Variants in ROCK2 observed in about 807,000 individuals in gnomAD.
ROCK2 encodes Rho associated coiled-coil containing protein kinase 2, also known as rho-associated protein kinase 2.
Under a neutral mutation model 195.1 loss-of-function variants are expected in ROCK2, and 61 were observed. That is an observed-to-expected ratio of 0.31 (90% confidence interval 0.25 to 0.39). The LOEUF (loss-of-function observed/expected upper bound fraction) is 0.39. ROCK2 is among the 10% of genes least tolerant of loss of function. The probability of loss-of-function intolerance (pLI) is 1.00; values close to 1 mark genes in which losing one functional copy is unlikely to be tolerated. For synonymous variants in ROCK2, 504 were observed against 545.5 expected (o/e 0.92, Z 1.06); for missense variants, 1,109 against 1,637.4 (o/e 0.68, Z 5.57).
At chr2:11,189,166 G>T (rs574277868) in intron 32 of ROCK2, among the ~76,000 whole-genome samples, 1 of 152,228 alleles carries the variant, frequency 6.6e-6, no homozygotes, top group Admixed American at 6.5e-5. Flanking sequence ...TATATTTGAT[G>T]TATCTAACAA....
intron 6 of ROCK2, 108 bp downstream of exon 6, chr2:11,227,146 T>G: frequency 9.5e-7 from 1 of 1,052,498 alleles, no homozygotes. Flanking sequence ...AGAAATCTAA[T>G]TCTTCCCTAC....
At chr2:11,193,938 C>CTTAA (rs1280846036) in intron 29 of ROCK2, 81 bp from the exon 30 acceptor site, 1 of 708,514 alleles carries the variant, frequency 1.4e-6, no homozygotes, top group Non-Finnish European at 2.3e-6. Context: ...TTACATCAGA[C>CTTAA]GTTAAACACT....
chr2:11,308,953 T>C (rs919084266), intron 1 of ROCK2: 1 of 1,610,798 alleles, frequency 6.2e-7, no homozygotes, highest in African/African-American at 1.3e-5. Flanking sequence ...CCTGACATGA[T>C]GAACCTGGAA....
intron 1 of ROCK2, among the ~76,000 whole-genome samples, chr2:11,327,549 A>G (rs568738351): frequency 6.6e-6 from 1 of 152,276 alleles, no homozygotes; most frequent in African/African-American, 2.4e-5. Context: ...TGTGTCTTCA[A>G]TGAGAAAGAG....
chr2:11,239,720 TTA>T (rs1201385182), intron 4 of ROCK2, among the ~76,000 whole-genome samples: 1 of 152,204 alleles, frequency 6.6e-6, no homozygotes, highest in Non-Finnish European at 1.5e-5. Flanking sequence ...AATTCTGACA[TTA>T]ACCAACAAGG....
intron 1 of ROCK2, among the ~76,000 whole-genome samples, chr2:11,311,691 GCAGT>G (rs1344024834): frequency 3.3e-5 from 5 of 152,080 alleles, no homozygotes; most frequent in South Asian, 2.1e-4. Context: ...GCAATGCCCA[GCAGT>G]CAAACATTAG....
chr2:11,332,415 T>C (rs1203528176), intron 1 of ROCK2, among the ~76,000 whole-genome samples: 1 of 152,200 alleles, frequency 6.6e-6, no homozygotes, highest in Non-Finnish European at 1.5e-5. Context: ...ATTACCGTAT[T>C]ATTTCCTAGC....
At chr2:11,332,540 T>G (rs1356411971) in intron 1 of ROCK2, among the ~76,000 whole-genome samples, 1 of 152,226 alleles carries the variant, frequency 6.6e-6, no homozygotes, top group Non-Finnish European at 1.5e-5. Context: ...CCAACATCAT[T>G]TGTCATTGGT....
chr2:11,197,714 A>G lies in ROCK2; in HGVS notation c.3100-9T>C, dbSNP rs1172493516. 1 of 1,523,550 alleles carries G rather than the reference A, an allele frequency of 6.6e-7. No individual in the cohort carries two copies. Among genetic ancestry groups the G allele is most frequent in the Non-Finnish European group, 8.8e-7 (1 of 1,139,450 alleles). 94.4% of individuals were successfully genotyped at this position (1,523,550 alleles called of 1,614,324 possible). A position where few individuals can be genotyped will look rare whatever the true frequency, so the allele number is the denominator to read the frequency against. ...GCCAACTTATTCACAGCCTTAAAAA[A>G]TGTAAAAATAAATATAATACATAAA... On this transcript the variant is annotated splice_polypyrimidine_tract_variant and intron_variant, in intron 25 of 32. Transcript: ENST00000315872. The surrounding 1 kb of genome is among the most constrained non-coding windows in gnomAD (Gnocchi z 4.9).
At chr2:11,232,860 T>C (rs949629650) in intron 5 of ROCK2, among the ~76,000 whole-genome samples, 5 of 152,094 alleles carry the variant, frequency 3.3e-5, no homozygotes, top group Non-Finnish European at 7.4e-5. Flanking sequence ...AACAGGTAAT[T>C]CACAAAACAG....
intron 13 of ROCK2, among the ~76,000 whole-genome samples, 181 bp from the exon 14 acceptor site, chr2:11,215,826 G>A (rs1455972380): frequency 6.6e-6 from 1 of 152,092 alleles, no homozygotes; most frequent in African/African-American, 2.4e-5. Flanking sequence ...AAATCATAAA[G>A]ACCGTAAATG....
chr2:11,296,870 CTG>C (rs1283457885), intron 1 of ROCK2, among the ~76,000 whole-genome samples: 3 of 152,102 alleles, frequency 2.0e-5, no homozygotes, highest in Non-Finnish European at 4.4e-5. Context: ...GTACTAGTCA[CTG>C]TAACTCCTTT....
rs1170120575 is a variant in ROCK2, at chr2:11,277,854, C to T, written c.324+8685G>A. On this transcript the variant is annotated intron_variant, in intron 3 of 32. Coordinates refer to ENST00000315872, the MANE Select transcript of ROCK2 (RefSeq NM_004850.5). ...GGGTAGCAAGCACTAATCTTTACTGCTTCCAAAGTTGTCTTTTTCCAGAAT... is the reference window on the plus strand; with the variant it reads ...GGGTAGCAAGCACTAATCTTTACTGTTTCCAAAGTTGTCTTTTTCCAGAAT... 2.6e-5 allele frequency among the ~76,000 whole-genome samples: 4 copies of T among 152,158 alleles called. 1 individual carries two copies. Among genetic ancestry groups the T allele is most frequent in the South Asian group, 4.1e-4 (2 of 4,828 alleles).
chr2:11,317,576 T>TTTTATATATATA (rs1553317356), intron 1 of ROCK2, among the ~76,000 whole-genome samples: 3 of 29,586 alleles, frequency 1.0e-4, no homozygotes, highest in Non-Finnish European at 1.1e-4. Flanking sequence ...ATCTACACAT[T>TTTTATATATATA]TATATATATA....
At chr2:11,290,664 C>T (rs1306427716) in intron 1 of ROCK2, among the ~76,000 whole-genome samples, 2 of 151,860 alleles carry the variant, frequency 1.3e-5, no homozygotes, top group African/African-American at 2.4e-5. Flanking sequence ...GCAATGGGTA[C>T]GTGCTAAAAG....
intron 8 of ROCK2, among the ~76,000 whole-genome samples, chr2:11,221,643 G>T (rs10193819): frequency 4.2e-4 from 64 of 151,954 alleles, no homozygotes; most frequent in African/African-American, 1.5e-3. Flanking sequence ...CTACAATCTC[G>T]AAACAGAAAT....
chr2:11,211,274 G>A (rs779656695), intron 18 of ROCK2, among the ~76,000 whole-genome samples: 1 of 152,096 alleles, frequency 6.6e-6, no homozygotes, highest in Non-Finnish European at 1.5e-5. Flanking sequence ...AAACTGGCAA[G>A]AATTTTATAA....
intron 1 of ROCK2, among the ~76,000 whole-genome samples, chr2:11,312,329 A>C (rs1009696102): frequency 6.6e-6 from 1 of 152,120 alleles, no homozygotes; most frequent in African/African-American, 2.4e-5. Flanking sequence ...CAATTTGATA[A>C]GTTTTGTCAA....
At chr2:11,320,308 G>C (rs1668362582) in intron 1 of ROCK2, among the ~76,000 whole-genome samples, 1 of 152,062 alleles carries the variant, frequency 6.6e-6, no homozygotes, top group Admixed American at 6.6e-5. Flanking sequence ...AGCTATTTGG[G>C]CCACTGCCAT....
Sources: allele counts gnomAD v4.1 joint callset (sites outside exome capture counted in the v4.1 genomes callset), GRCh38; gene constraint gnomAD v4.1.1; non-coding constraint Gnocchi (gnomAD v3.1); transcripts MANE v1.5; gene names NCBI Gene and HGNC (gene_info 2026-07-23, HGNC 2026-07-21).